KCNJ3: variants seen among roughly 807,000 people sequenced by gnomAD.
KCNJ3 encodes the protein potassium inwardly rectifying channel subfamily J member 3, also known as G protein-activated inward rectifier potassium channel 1.
KCNJ3 carries 4 observed loss-of-function variants against 39.2 expected under a neutral mutation model. That is an observed-to-expected ratio of 0.10 (90% CI 0.05 to 0.23). The LOEUF (loss-of-function observed/expected upper bound fraction) is 0.23, where lower values mean the gene tolerates loss of function less well. Ranked by LOEUF, KCNJ3 falls within the 10% of genes least tolerant of loss-of-function variation. The pLI is 1.00. For missense variants in KCNJ3, 276 were observed against 634.9 expected, an observed-to-expected ratio of 0.43 and a Z score of 6.08; for synonymous variants, 230 against 237.4, an observed-to-expected ratio of 0.97 and a Z score of 0.29.
intron 2 of KCNJ3, among the ~76,000 whole-genome samples, chr2:154,730,884 A>G (rs774089101): frequency 5.3e-5 from 8 of 152,074 alleles, no homozygotes; most frequent in Non-Finnish European, 1.0e-4. Flanking sequence ...ATTACTCCCT[A>G]TTTGAAGTAT....
intron 2 of KCNJ3, among the ~76,000 whole-genome samples, chr2:154,790,631 G>A (rs1050339249): frequency 6.6e-6 from 1 of 152,070 alleles, no homozygotes; most frequent in Admixed American, 6.6e-5. Flanking sequence ...TATCAAACAG[G>A]TTATAAAGTG....
intron 2 of KCNJ3, among the ~76,000 whole-genome samples, chr2:154,798,570 T>C (rs987396130): frequency 6.6e-6 from 1 of 152,182 alleles, no homozygotes; most frequent in African/African-American, 2.4e-5. Context: ...TTTTGGGTCC[T>C]GGGATATATC....
intron 2 of KCNJ3, among the ~76,000 whole-genome samples, chr2:154,779,861 C>T (rs1327546361): frequency 1.3e-5 from 2 of 151,824 alleles, no homozygotes; most frequent in Middle Eastern, 3.2e-3. Context: ...TTTTATGTGC[C>T]CTACTAGTTT....
At position 154,779,539 on chromosome 2, in the gene KCNJ3, ATATATT is replaced by A. The variant is rs1193311799; in HGVS notation, c.919+69726_919+69731del. ...ATATTTTTTATATATATAGTTATAT[ATATATT>A]TATATATATAATTTTGGAGACAGAG... On this transcript the variant is annotated intron_variant, in intron 2 of 2. Coordinates refer to ENST00000295101, the MANE Select transcript of KCNJ3 (RefSeq NM_002239.4). Among the ~76,000 whole-genome samples, 17 of 146,502 alleles carry A rather than the reference ATATATT, an allele frequency of 1.2e-4. No homozygotes were observed. In the Admixed American group the frequency reaches 1.2e-3, roughly 10 times the overall value.
At chr2:154,779,631 C>T (rs1433196907) in intron 2 of KCNJ3, among the ~76,000 whole-genome samples, 1 of 150,994 alleles carries the variant, frequency 6.6e-6, no homozygotes, top group Admixed American at 6.6e-5. Context: ...GAAACCTCCA[C>T]CTCCCGGGTT....
intron 2 of KCNJ3, among the ~76,000 whole-genome samples, chr2:154,742,349 A>G (rs1232049318): frequency 1.3e-5 from 2 of 151,802 alleles, no homozygotes; most frequent in South Asian, 2.1e-4. Flanking sequence ...GGGTGTACAC[A>G]TATCTCTTTA....
intron 2 of KCNJ3, among the ~76,000 whole-genome samples, chr2:154,843,984 T>C (rs1355180442): frequency 8.5e-5 from 13 of 152,240 alleles, no homozygotes; most frequent in Non-Finnish European, 1.5e-4. Flanking sequence ...TTTGTTCCAT[T>C]GCTGGCGAGG....
At chr2:154,787,787 T>C (rs1273686576) in intron 2 of KCNJ3, among the ~76,000 whole-genome samples, 1 of 152,064 alleles carries the variant, frequency 6.6e-6, no homozygotes, top group Non-Finnish European at 1.5e-5. Context: ...GGAATGCAAC[T>C]TTTTTTTATC....
At chr2:154,842,030 G>A (rs974418116) in intron 2 of KCNJ3, among the ~76,000 whole-genome samples, 10 of 152,074 alleles carry the variant, frequency 6.6e-5, no homozygotes, top group Non-Finnish European at 1.5e-4. Flanking sequence ...TAATTCTGAT[G>A]TTAGGGTGTC....
At chr2:154,712,786 A>G (rs1685121612) in intron 2 of KCNJ3, among the ~76,000 whole-genome samples, 1 of 152,158 alleles carries the variant, frequency 6.6e-6, no homozygotes, top group Non-Finnish European at 1.5e-5. Flanking sequence ...GTGTCTAAAA[A>G]TAAATAAATA....
chr2:154,853,390 T>G (rs1687788282), intron 2 of KCNJ3, among the ~76,000 whole-genome samples: 1 of 152,114 alleles, frequency 6.6e-6, no homozygotes, highest in South Asian at 2.1e-4. Context: ...TATGTCTGAT[T>G]GCTAGTCAGT....
intron 2 of KCNJ3, among the ~76,000 whole-genome samples, chr2:154,714,650 C>G (rs1165381989): frequency 8.5e-5 from 13 of 152,290 alleles, no homozygotes. Context: ...TCAACTTACC[C>G]TCAAATTATA....
At chr2:154,798,581 G>A (rs1362514303) in intron 2 of KCNJ3, among the ~76,000 whole-genome samples, 1 of 151,978 alleles carries the variant, frequency 6.6e-6, no homozygotes, top group African/African-American at 2.4e-5. Flanking sequence ...GGGATATATC[G>A]GGATATATCA....
intron 2 of KCNJ3, among the ~76,000 whole-genome samples, chr2:154,746,968 G>C (rs1823003): frequency 6.6e-6 from 1 of 151,340 alleles, no homozygotes; most frequent in Non-Finnish European, 1.5e-5. Context: ...ATGACAGCAA[G>C]AACTTCAAAC....
At chr2:154,784,523 C>T (rs758076455) in intron 2 of KCNJ3, among the ~76,000 whole-genome samples, 53 of 152,256 alleles carry the variant, frequency 3.5e-4, no homozygotes, top group Non-Finnish European at 5.0e-4. Context: ...GCTGGGATTA[C>T]AGGCACACAC....
intron 2 of KCNJ3, among the ~76,000 whole-genome samples, chr2:154,750,792 G>T (rs561425297): frequency 1.3e-5 from 2 of 151,982 alleles, no homozygotes; most frequent in African/African-American, 4.8e-5. Context: ...ATGAACAAAG[G>T]TGTAAGTTTT....
Position 154,854,671 on chromosome 2 carries a change from C to T in KCNJ3, c.920-56C>T, listed in dbSNP as rs577997924. Reference sequence around the variant, plus strand: ...AAATGAATTATTTAGGCCAAACCGGCTTTACATGTGCTTCCACTATGCATA... The same window carrying T: ...AAATGAATTATTTAGGCCAAACCGGTTTTACATGTGCTTCCACTATGCATA... On this transcript the variant is annotated intron_variant, in intron 2 of 2. Coordinates refer to ENST00000295101, the MANE Select transcript of KCNJ3 (RefSeq NM_002239.4). 1.2e-4 allele frequency: 160 copies of T among 1,351,970 alleles called. 1 individual carries two copies. In the East Asian group the frequency reaches 3.7e-3, roughly 31 times the overall value. 83.7% of individuals were successfully genotyped at this position (1,351,970 alleles called of 1,614,324 possible).
rs373062062 is a variant in KCNJ3, at chr2:154,850,008, C to CTTTTTTTTTTTTTT, written c.920-4696_920-4683dup. ...TTGCAATGCAATGTACAGAATAAATCTTTTTTTTTTTTTTTTTTTTTTTTT... is the reference window on the plus strand; with the variant it reads ...TTGCAATGCAATGTACAGAATAAATCTTTTTTTTTTTTTTTTTTTTTTTTTTTTTTTTTTTTTTT... On this transcript the variant is annotated intron_variant, in intron 2 of 2. Transcript: ENST00000295101. Among the ~76,000 whole-genome samples, 37 of 48,856 alleles carry CTTTTTTTTTTTTTT rather than the reference C, an allele frequency of 7.6e-4. 1 individual carries two copies. Among genetic ancestry groups the CTTTTTTTTTTTTTT allele is most frequent in the South Asian group, 4.2e-3 (4 of 944 alleles). The allele number at this position is 48,856 out of a possible 152,430, so 32.1% of individuals were successfully genotyped here.
At chr2:154,721,310 CTGA>C (rs1438530891) in intron 2 of KCNJ3, among the ~76,000 whole-genome samples, 1 of 152,116 alleles carries the variant, frequency 6.6e-6, no homozygotes, top group Non-Finnish European at 1.5e-5. Flanking sequence ...GTGTAGCACA[CTGA>C]TCTATTGGTT....
Sources: gnomAD v4.1 joint callset for allele counts (sites outside exome capture counted in the v4.1 genomes callset) on GRCh38, gnomAD v4.1.1 for gene constraint, MANE v1.5 for transcripts, NCBI Gene and HGNC (gene_info 2026-07-23, HGNC 2026-07-21) for gene names.